PCDHA12: variants seen among roughly 807,000 people sequenced by gnomAD.
PCDHA12 encodes protocadherin alpha 12.
Under a neutral mutation model 60.0 loss-of-function variants are expected in PCDHA12, and 44 were observed. The ratio of observed to expected loss-of-function variants is 0.73; its 90% CI spans 0.58 to 0.94. The LOEUF is 0.94. Among genes scored for constraint, PCDHA12 ranks in the 40% least tolerant of loss-of-function variants. The pLI is 0.00. For missense variants in PCDHA12, 1,276 were observed against 1,239.7 expected, an observed-to-expected ratio of 1.03 and a Z score of -0.44; for synonymous variants, 569 against 553.0, an observed-to-expected ratio of 1.03 and a Z score of -0.40.
chr5:140,952,813 G>A (rs1162015418), intron 1 of PCDHA12, among the ~76,000 whole-genome samples: 1 of 152,158 alleles, frequency 6.6e-6, no homozygotes, highest in African/African-American at 2.4e-5. Context: ...TCTGCAGGCT[G>A]TACAGGAAGC....
chr5:140,916,957 T>C (rs1478651535), intron 1 of PCDHA12, among the ~76,000 whole-genome samples: 1 of 152,224 alleles, frequency 6.6e-6, no homozygotes, highest in African/African-American at 2.4e-5. Context: ...TGCTGAGTTC[T>C]GACTGCTGGG....
Position 140,896,583 on chromosome 5 carries a change from GC to G in PCDHA12, c.2367+18746del, listed in dbSNP as rs1194968470. The stretch of plus-strand genomic sequence containing the variant: ...GTAGAGATGGGGTTTTGACGTGTTG[GC>G]CAGGCTGGTCTCGAACTCCTGGTCT... On this transcript the variant is annotated intron_variant, in intron 1 of 3. Coordinates refer to ENST00000398631, the MANE Select transcript of PCDHA12 (RefSeq NM_018903.4). Among the ~76,000 whole-genome samples, 4 of 151,654 alleles carry G rather than the reference GC, an allele frequency of 2.6e-5. No individual in the cohort carries two copies. In the East Asian group the frequency reaches 7.8e-4, roughly 29 times the overall value.
At chr5:140,991,277 C>G (rs1210642530) in intron 3 of PCDHA12, among the ~76,000 whole-genome samples, 1 of 152,148 alleles carries the variant, frequency 6.6e-6, no homozygotes, top group African/African-American at 2.4e-5. Flanking sequence ...CTGCTGAACT[C>G]TATACACTTA....
intron 1 of PCDHA12, among the ~76,000 whole-genome samples, chr5:140,972,732 C>T (rs2096552874): frequency 1.3e-5 from 2 of 149,646 alleles, no homozygotes; most frequent in Non-Finnish European, 3.0e-5. Flanking sequence ...GGCGTAATCC[C>T]GGCTCACTGC....
At chr5:140,954,512 T>C (rs2095046956) in intron 1 of PCDHA12, among the ~76,000 whole-genome samples, 1 of 152,254 alleles carries the variant, frequency 6.6e-6, no homozygotes, top group Non-Finnish European at 1.5e-5. Flanking sequence ...TGCATTTACC[T>C]AATGATCAGT....
chr5:140,969,636 T>C (rs2096349824), intron 1 of PCDHA12: 1 of 212,100 alleles, frequency 4.7e-6, no homozygotes, highest in Non-Finnish European at 8.1e-6. Context: ...GGACAGGCCT[T>C]GGAATAGGGA....
chr5:140,881,326 C>G, intron 1 of PCDHA12: 1 of 984,388 alleles, frequency 1.0e-6, no homozygotes, highest in Non-Finnish European at 1.2e-6. Flanking sequence ...TTCTATTTAA[C>G]CAGGACGCCG....
intron 3 of PCDHA12, among the ~76,000 whole-genome samples, chr5:141,003,892 C>T (rs1401621234): frequency 6.6e-6 from 1 of 152,124 alleles, no homozygotes; most frequent in South Asian, 2.1e-4. Context: ...TCTTAACAGG[C>T]CCATTCATTT....
intron 3 of PCDHA12, among the ~76,000 whole-genome samples, chr5:141,006,816 G>C (rs1554260932): frequency 6.6e-6 from 1 of 152,082 alleles, no homozygotes; most frequent in African/African-American, 2.4e-5. Flanking sequence ...TGAGAAATGG[G>C]GTAAATGGGG....
chr5:140,982,094 G>T (rs2096965818), intron 2 of PCDHA12, among the ~76,000 whole-genome samples: 1 of 152,230 alleles, frequency 6.6e-6, no homozygotes, highest in Admixed American at 6.5e-5. Context: ...AGGAACAAGA[G>T]AACCTGCAAG....
intron 1 of PCDHA12, chr5:140,967,118 C>T: frequency 6.2e-7 from 1 of 1,612,940 alleles, no homozygotes; most frequent in Non-Finnish European, 8.5e-7. Context: ...GCCTCGCTGC[C>T]TGCTCAGCTT....
chr5:140,924,253 A>G (rs550218351), intron 1 of PCDHA12, among the ~76,000 whole-genome samples: 1 of 152,212 alleles, frequency 6.6e-6, no homozygotes, highest in African/African-American at 2.4e-5. Context: ...TCCTGGTGAG[A>G]TCTAATGAGG....
chr5:140,978,703 G>C (rs556167285), intron 1 of PCDHA12, among the ~76,000 whole-genome samples: 1 of 152,328 alleles, frequency 6.6e-6, no homozygotes, highest in East Asian at 1.9e-4. Context: ...AGCCAAAGGT[G>C]GCCTTTACAA....
At chr5:141,002,600 A>G (rs1269340072) in intron 3 of PCDHA12, among the ~76,000 whole-genome samples, 1 of 152,204 alleles carries the variant, frequency 6.6e-6, no homozygotes, top group Non-Finnish European at 1.5e-5. Flanking sequence ...CCCCTCATCT[A>G]TAAAACAGAC....
At chr5:140,965,238 A>T (rs540671197) in intron 1 of PCDHA12, among the ~76,000 whole-genome samples, 1 of 152,314 alleles carries the variant, frequency 6.6e-6, no homozygotes, top group African/African-American at 2.4e-5. Flanking sequence ...ACCTGGGAAG[A>T]GTGAATATTC....
chr5:140,883,065 C>G, intron 1 of PCDHA12: 1 of 1,614,056 alleles, frequency 6.2e-7, no homozygotes, highest in Non-Finnish European at 8.5e-7. Context: ...AAGCTAAATG[C>G]CACAGATCCT....
chr5:140,968,383 T>C, intron 1 of PCDHA12: 1 of 1,614,044 alleles, frequency 6.2e-7, no homozygotes. Context: ...CCTTTGACTA[T>C]GAGAAGTTTC....
intron 1 of PCDHA12, chr5:140,930,241 C>T (rs2086688232): frequency 1.3e-5 from 2 of 152,148 alleles, no homozygotes; most frequent in African/African-American, 2.4e-5. Context: ...ATCCAAAGTC[C>T]ATTCAACTTG....
At chr5:140,936,425 T>C (rs1471918068) in intron 1 of PCDHA12, among the ~76,000 whole-genome samples, 2 of 152,244 alleles carry the variant, frequency 1.3e-5, no homozygotes, top group Non-Finnish European at 2.9e-5. Flanking sequence ...TAATTTTAAT[T>C]AATTTAAGCT....
Sources: allele counts gnomAD v4.1 joint callset (sites outside exome capture counted in the v4.1 genomes callset), GRCh38; gene constraint gnomAD v4.1.1; transcripts MANE v1.5; gene names NCBI Gene and HGNC (gene_info 2026-07-23, HGNC 2026-07-21).